The following EBF1 variants were observed in gnomAD, a reference collection of about 807,000 sequenced individuals.
The protein encoded by EBF1 is EBF transcription factor 1.
Under a neutral mutation model 68.4 loss-of-function variants are expected in EBF1, and 10 were observed. The ratio of observed to expected loss-of-function variants is 0.15; its 90% CI spans 0.09 to 0.25. The LOEUF (loss-of-function observed/expected upper bound fraction) is 0.25, where lower values mean the gene tolerates loss of function less well. Ranked by LOEUF, EBF1 falls within the 10% of genes least tolerant of loss-of-function variation. The probability of loss-of-function intolerance (pLI) is 1.00; values close to 1 mark genes in which losing one functional copy is unlikely to be tolerated. For missense variants in EBF1, 509 were observed against 794.4 expected (o/e 0.64, Z 4.32); for synonymous variants, 298 against 299.8 (o/e 0.99, Z 0.06).
intron 9 of EBF1, among the ~76,000 whole-genome samples, chr5:158,783,245 A>C (rs1581844071): frequency 6.6e-6 from 1 of 152,196 alleles, no homozygotes; most frequent in African/African-American, 2.4e-5. Flanking sequence ...GTACATATAA[A>C]GCCATTATTT....
At position 158,708,116 on chromosome 5, in the gene EBF1, C is replaced by A; in HGVS notation, c.1607G>T (p.Ser536Ile). Residue 536 changes from serine (S) to isoleucine (I), a missense_variant, in exon 15 of 16, where the codon AGC (serine) becomes ATC (isoleucine). By Grantham distance (142) the Ser-to-Ile change is moderately radical (BLOSUM62 -2). Coordinates refer to ENST00000313708, the MANE Select transcript of EBF1 (RefSeq NM_024007.5). The part of the protein sequence containing the change: ...SSTSLPSNCS[S>I]SSGIFSFSPA... ...TGAGAAGGAGAAGATGCCCGAGGAG[C>A]TGCTGCAGTTGGAGGGGAGGCTTGT... is the stretch of plus-strand genomic sequence containing the variant. 6.3e-7 allele frequency: 1 copy of A among 1,588,892 alleles called. No homozygotes were observed. The highest frequency in any genetic ancestry group is 8.6e-7 in the Non-Finnish European group (1 of 1,167,140).
At chr5:158,888,677 A>T (rs1257669940) in intron 6 of EBF1, among the ~76,000 whole-genome samples, 3 of 152,184 alleles carry the variant, frequency 2.0e-5, no homozygotes, top group Admixed American at 2.0e-4. Flanking sequence ...CTGCAGTGGG[A>T]AAAACAATAA....
intron 6 of EBF1, among the ~76,000 whole-genome samples, chr5:158,882,600 C>T (rs115977483): frequency 2.7e-3 from 405 of 152,114 alleles, no homozygotes; most frequent in African/African-American, 9.1e-3. Flanking sequence ...CAAAGTTTCT[C>T]GAAGGAAAAA....
intron 6 of EBF1, among the ~76,000 whole-genome samples, chr5:158,882,851 CAG>C (rs1562208880): frequency 2.0e-5 from 3 of 152,206 alleles, no homozygotes; most frequent in Non-Finnish European, 4.4e-5. Context: ...CAAGACGGTG[CAG>C]AGCCCCGCTG....
At chr5:158,964,318 G>C (rs1040623320) in intron 6 of EBF1, among the ~76,000 whole-genome samples, 2 of 152,124 alleles carry the variant, frequency 1.3e-5, no homozygotes, top group Admixed American at 6.5e-5. Context: ...GAGGAGCCAG[G>C]CTGTCCAAGT....
rs145228602 is a variant in EBF1, at chr5:158,773,249, C to A, written c.1036+4164G>T. 1.8e-3 allele frequency among the ~76,000 whole-genome samples: 268 copies of A among 152,226 alleles called. 1 individual carries two copies. Among genetic ancestry groups the A allele is most frequent in the Middle Eastern group, 3.4e-3 (1 of 292 alleles). Reference sequence around the variant, plus strand: ...CACAGAGCATATGCAGACAAAATAGCCCCTCCTATGTGCAAAGCAACGTGT... The same window carrying A: ...CACAGAGCATATGCAGACAAAATAGACCCTCCTATGTGCAAAGCAACGTGT... On this transcript the variant is annotated intron_variant, in intron 10 of 15. Transcript: ENST00000313708.
At chr5:158,713,533 G>C (rs1335276685) in intron 12 of EBF1, among the ~76,000 whole-genome samples, 2 of 152,130 alleles carry the variant, frequency 1.3e-5, no homozygotes, top group Non-Finnish European at 1.5e-5. Context: ...GGTTACCCAG[G>C]GGGAGAGGAA....
In EBF1 at chr5:158,717,737, A is replaced by G. The variant is rs1439685310; in HGVS notation, c.1126-3555T>C. On this transcript the variant is annotated intron_variant, in intron 11 of 15. Transcript: ENST00000313708. ...TTGTAGAGGTAATGTTTGTTCTCCAATCTACATTCTGAGTCAGACAATTTT... is the reference window on the plus strand; with the variant it reads ...TTGTAGAGGTAATGTTTGTTCTCCAGTCTACATTCTGAGTCAGACAATTTT... 3.9e-5 allele frequency among the ~76,000 whole-genome samples: 6 copies of G among 152,040 alleles called. No homozygotes were observed. In the East Asian group the frequency reaches 5.8e-4, roughly 15 times the overall value.
chr5:158,903,241 T>C (rs1450027453), intron 6 of EBF1, among the ~76,000 whole-genome samples: 1 of 152,200 alleles, frequency 6.6e-6, no homozygotes, highest in Non-Finnish European at 1.5e-5. Context: ...ATAAGAAGAT[T>C]ACTCACTGCC....
chr5:159,072,429 T>G (rs1777979113), intron 6 of EBF1, among the ~76,000 whole-genome samples: 2 of 152,194 alleles, frequency 1.3e-5, no homozygotes, highest in South Asian at 4.1e-4. Context: ...TTTTTTTCTT[T>G]TGTTGTTGTT....
chr5:158,721,536 T>C (rs1761932786), intron 11 of EBF1, among the ~76,000 whole-genome samples: 1 of 152,204 alleles, frequency 6.6e-6, no homozygotes. Flanking sequence ...GCCAGAGTGT[T>C]ATGAAATAAA....
chr5:159,009,845 T>C (rs916379046), intron 6 of EBF1, among the ~76,000 whole-genome samples: 3 of 152,174 alleles, frequency 2.0e-5, no homozygotes, highest in Non-Finnish European at 4.4e-5. Context: ...CACTTGTTTT[T>C]TCATGCAAAA....
chr5:158,814,793 A>G (rs1406236495), intron 8 of EBF1, among the ~76,000 whole-genome samples: 1 of 152,170 alleles, frequency 6.6e-6, no homozygotes, highest in Non-Finnish European at 1.5e-5. Flanking sequence ...CAGCATCCTT[A>G]TTATCTTGCC....
intron 6 of EBF1, among the ~76,000 whole-genome samples, chr5:158,876,802 T>C (rs577525166): frequency 1.3e-5 from 2 of 152,304 alleles, no homozygotes; most frequent in East Asian, 3.9e-4. Flanking sequence ...CTTTCGATTG[T>C]ATTAATACAA....
chr5:158,753,947 T>TA (rs972827209), intron 10 of EBF1, among the ~76,000 whole-genome samples: 2 of 150,568 alleles, frequency 1.3e-5, no homozygotes, highest in Non-Finnish European at 3.0e-5. Flanking sequence ...TAGCCCTAGA[T>TA]TTTTTTTTTC....
chr5:158,855,752 A>C (rs1366164035), intron 6 of EBF1, among the ~76,000 whole-genome samples: 1 of 151,410 alleles, frequency 6.6e-6, no homozygotes, highest in African/African-American at 2.5e-5. Context: ...TGAATTTTCT[A>C]ACTCATAACA....
At chr5:158,722,138 A>G (rs1171582794) in intron 11 of EBF1, among the ~76,000 whole-genome samples, 1 of 152,126 alleles carries the variant, frequency 6.6e-6, no homozygotes, top group Non-Finnish European at 1.5e-5. Flanking sequence ...GGTCCTGCTG[A>G]GTGCCTTGGA....
chr5:158,887,016 G>A (rs1800192122), intron 6 of EBF1, among the ~76,000 whole-genome samples: 1 of 152,140 alleles, frequency 6.6e-6, no homozygotes, highest in Non-Finnish European at 1.5e-5. Context: ...AAAAAAGAGA[G>A]ACTTTATATT....
At chr5:158,958,071 C>G (rs977344192) in intron 6 of EBF1, among the ~76,000 whole-genome samples, 4 of 152,198 alleles carry the variant, frequency 2.6e-5, no homozygotes, top group Admixed American at 2.6e-4. Context: ...GCCCCTCCCC[C>G]TTGATCCAAG....
Sources: gnomAD v4.1 joint callset for allele counts (sites outside exome capture counted in the v4.1 genomes callset) on GRCh38, gnomAD v4.1.1 for gene constraint, MANE v1.5 for transcripts, NCBI Gene and HGNC (gene_info 2026-07-23, HGNC 2026-07-21) for gene names.